Variants in NCR2 observed in about 807,000 individuals in gnomAD.
NCR2 encodes NK cell activating receptor (NKp44).
In NCR2, 35 loss-of-function variants were observed where a neutral mutation model predicts 30.7. The ratio of observed to expected loss-of-function variants is 1.14; its 90% CI spans 0.87 to 1.51. NCR2 has a LOEUF of 1.51. NCR2 is among the 40% of genes most tolerant of loss of function. NCR2 has a pLI of 0.00. For synonymous variants in NCR2, 146 were observed against 134.8 expected, an observed-to-expected ratio of 1.08 and a Z score of -0.58; for missense variants, 316 against 328.9, an observed-to-expected ratio of 0.96 and a Z score of 0.30.
At chr6:41,342,917 G>T (rs1769212295) in intron 4 of NCR2, 1 of 1,550,384 alleles carries the variant, frequency 6.5e-7, no homozygotes, top group African/African-American at 1.4e-5. Flanking sequence ...CTCATCTCAA[G>T]GGTTTTAAGG....
intron 1 of NCR2, 74 bp from the exon 2 acceptor site, chr6:41,336,013 C>A: frequency 6.3e-7 from 1 of 1,587,362 alleles, no homozygotes; most frequent in Non-Finnish European, 8.6e-7. Context: ...GCAGGTGGCT[C>A]TGTGGCCAGA....
chr6:41,342,093 G>A lies in NCR2; in HGVS notation c.588G>A (p.Val196=), dbSNP rs666007. ...GPAAPIALVP[V]FCGLLVAKSL... ...CAGCCCCCATTGCCCTGGTGCCTGT[G>A]TTCTGTGGACTCCTCGTAGCCAAGA... The change falls in exon 4 of 5, where the codon GTG becomes GTA. Residue 196 remains valine, a synonymous_variant. Transcript: ENST00000373089. 1,705 of 1,613,826 alleles carry A rather than the reference G, an allele frequency of 1.1e-3. 12 individuals carry two copies. In the African/African-American group the frequency reaches 0.02, roughly 19 times the overall value.
At chr6:41,348,423 C>G (rs1769352574) in intron 4 of NCR2, among the ~76,000 whole-genome samples, 1 of 151,690 alleles carries the variant, frequency 6.6e-6, no homozygotes, top group African/African-American at 2.4e-5. Flanking sequence ...CATAGGAAAA[C>G]CACTACAGAT....
intron 4 of NCR2, among the ~76,000 whole-genome samples, chr6:41,342,501 C>G (rs556266879): frequency 1.6e-3 from 235 of 150,774 alleles, no homozygotes; most frequent in South Asian, 5.3e-3. Context: ...CTCCCTGTCT[C>G]TCTACCCCTC....
chr6:41,348,086 A>G (rs1372587021), intron 4 of NCR2, among the ~76,000 whole-genome samples: 2 of 152,228 alleles, frequency 1.3e-5, no homozygotes, highest in African/African-American at 2.4e-5. Flanking sequence ...GTCCAGCCCA[A>G]TGGGATTCGC....
At chr6:41,341,161 A>G (rs1451254179) in intron 2 of NCR2, among the ~76,000 whole-genome samples, 1 of 151,956 alleles carries the variant, frequency 6.6e-6, no homozygotes, top group Non-Finnish European at 1.5e-5. Flanking sequence ...TTCGACCTCA[A>G]CAGTCCCCAT....
chr6:41,343,096 C>T (rs367553990), intron 4 of NCR2: 19 of 1,332,112 alleles, frequency 1.4e-5, no homozygotes, highest in South Asian at 1.0e-4. Flanking sequence ...TGCTGTTATC[C>T]GCAAAGAAAA....
chr6:41,341,897 T>G lies in NCR2; in HGVS notation c.498T>G (p.Pro166=). 6.2e-7 allele frequency: 1 copy of G among 1,614,072 alleles called. No homozygotes were observed. The highest frequency in any genetic ancestry group is 8.5e-7 in the Non-Finnish European group (1 of 1,179,992). Residue 166 remains proline (P), a synonymous_variant, in exon 3 of 5, where the codon CCT becomes CCG. Transcript: ENST00000373089. ...CCACTGCAGGAGCCAGACAAGCCCC[T>G]GAGTCTCCATCTACCATCCCTGTCC... ...VPPTAGARQA[P]ESPSTIPVPS... is the part of the protein sequence containing the mutation.
At chr6:41,343,012 C>T in intron 4 of NCR2, 1 of 1,550,560 alleles carries the variant, frequency 6.4e-7, no homozygotes, top group Non-Finnish European at 8.7e-7. Context: ...CCCACTGAGC[C>T]ACAGGGCACC....
intron 2 of NCR2, among the ~76,000 whole-genome samples, chr6:41,339,663 G>A (rs1581660536): frequency 6.6e-6 from 1 of 152,310 alleles, no homozygotes; most frequent in East Asian, 1.9e-4. Flanking sequence ...GGGATTACAG[G>A]CGTGAGCCAC....
chr6:41,348,038 C>T (rs1343767839), intron 4 of NCR2, among the ~76,000 whole-genome samples: 1 of 152,206 alleles, frequency 6.6e-6, no homozygotes, highest in Non-Finnish European at 1.5e-5. Flanking sequence ...CAAACCGTTG[C>T]TTCTGCCATA....
At position 41,341,835 on chromosome 6, in the gene NCR2, G is replaced by T. The variant is rs750433872; in HGVS notation, c.436G>T (p.Val146Phe). The T allele has an allele frequency of 3.5e-5, 57 of 1,613,104 alleles. No individual in the cohort carries two copies. Among genetic ancestry groups the T allele is most frequent in the Non-Finnish European group, 4.8e-5 (57 of 1,179,938 alleles). Residue 146 changes from valine (V) to phenylalanine (F), a missense_variant, in exon 3 of 5, where the codon GTC becomes TTC. Coordinates refer to ENST00000373089, the MANE Select transcript of NCR2 (RefSeq NM_004828.4). The part of the protein sequence containing the change: ...TQTSWTPRDL[V>F]SSQTQTQSCV... ...GACCTCCTGGACTCCCCGCGACCTG[G>T]TCTCTTCACAGACCCAGACCCAGAG...
In NCR2 at chr6:41,335,897, C is replaced by T. The variant is rs760055102; in HGVS notation, c.21C>T (p.His7=). ...ACCACATGGCCTGGCGAGCCCTACACCCACTGCTACTGCTGCTGCTGCTGT... is the reference window on the plus strand; with the variant it reads ...ACCACATGGCCTGGCGAGCCCTACATCCACTGCTACTGCTGCTGCTGCTGT... MAWRAL[H]PLLLLLLLFP... The change falls in exon 1 of 5, where the codon CAC becomes CAT. Residue 7 remains histidine, a synonymous_variant. Coordinates refer to ENST00000373089, the MANE Select transcript of NCR2 (RefSeq NM_004828.4). The T allele has an allele frequency of 6.4e-7, 1 of 1,570,802 alleles. No individual in the cohort carries two copies. The highest frequency in any genetic ancestry group is 8.6e-7 in the Non-Finnish European group (1 of 1,157,358).
In NCR2 at chr6:41,350,819, T is replaced by C; in HGVS notation, c.786T>C (p.Val262=). Residue 262 remains valine (V), a synonymous_variant, in exon 5 of 5, where the codon GTT becomes GTC. Transcript: ENST00000373089. ...PVEREILYHT[V]ARTKISDDDD... Reference sequence around the variant, plus strand: ...AGAGAGAAATATTATATCACACTGTTGCAAGGACTAAGATAAGCGATGATG... The same window carrying C: ...AGAGAGAAATATTATATCACACTGTCGCAAGGACTAAGATAAGCGATGATG... The C allele has an allele frequency of 9.3e-7, 1 of 1,071,222 alleles. No homozygotes were observed. The highest frequency in any genetic ancestry group is 1.5e-6 in the Non-Finnish European group (1 of 684,684). The allele number at this position is 1,071,222 out of a possible 1,614,324, so 66.4% of individuals were successfully genotyped here. A position where few individuals can be genotyped will look rare whatever the true frequency, so the allele number is the denominator to read the frequency against.
intron 4 of NCR2, among the ~76,000 whole-genome samples, chr6:41,343,179 TC>T (rs1769219903): frequency 6.6e-6 from 1 of 152,272 alleles, no homozygotes; most frequent in Admixed American, 6.5e-5. Flanking sequence ...CTCTACTTGC[TC>T]ACCCTCAGTT....
chr6:41,343,951 C>T (rs1282722263), intron 4 of NCR2, among the ~76,000 whole-genome samples: 1 of 152,074 alleles, frequency 6.6e-6, no homozygotes, highest in Non-Finnish European at 1.5e-5. Context: ...GCCTGGGTCA[C>T]CCCAACGTTT....
At chr6:41,349,351 T>A (rs1769378617) in intron 4 of NCR2, among the ~76,000 whole-genome samples, 1 of 152,152 alleles carries the variant, frequency 6.6e-6, no homozygotes, top group Non-Finnish European at 1.5e-5. Flanking sequence ...CTAAGACCTT[T>A]CTAATCTCCT....
In NCR2 at chr6:41,343,134, C is replaced by T; in HGVS notation, c.644+985C>T. ...CCAGGACTTGATCCAAGGCCTTTAG[C>T]CACGCTCTCCCTGCAGAGCTGCAGA... On this transcript the variant is annotated intron_variant, in intron 4 of 4. Transcript: ENST00000373089. 8.0e-6 allele frequency: 7 copies of T among 870,392 alleles called. No homozygotes were observed. The South Asian group carries it at 8.6e-5, about 11-fold the overall frequency. 53.9% of individuals were successfully genotyped at this position (870,392 alleles called of 1,614,324 possible).
intron 4 of NCR2, among the ~76,000 whole-genome samples, chr6:41,346,065 C>T (rs1448431612): frequency 6.6e-6 from 1 of 152,166 alleles, no homozygotes; most frequent in East Asian, 1.9e-4. Flanking sequence ...TGCCATTAGG[C>T]TGTATCACTG....
Sources: gnomAD v4.1 joint callset for allele counts (sites outside exome capture counted in the v4.1 genomes callset) on GRCh38, gnomAD v4.1.1 for gene constraint, MANE v1.5 for transcripts, NCBI Gene and HGNC (gene_info 2026-07-23, HGNC 2026-07-21) for gene names.